The following NTN4 variants were observed in gnomAD, a reference collection of about 807,000 sequenced individuals.
The protein encoded by NTN4 is netrin-4.
Under a neutral mutation model 73.6 loss-of-function variants are expected in NTN4, and 32 were observed. The ratio of observed to expected loss-of-function variants is 0.44; its 90% CI spans 0.33 to 0.58. NTN4 has a LOEUF of 0.58. Among genes scored for constraint, NTN4 ranks in the 20% least tolerant of loss-of-function variants. The pLI, the probability that NTN4 is intolerant of heterozygous loss-of-function variation, is 0.04. For synonymous variants in NTN4, 258 were observed against 287.5 expected (o/e 0.90, Z 1.04); for missense variants, 654 against 798.3 (o/e 0.82, Z 2.18).
chr12:95,686,373 A>C (rs1460789566), intron 5 of NTN4, among the ~76,000 whole-genome samples: 1 of 152,214 alleles, frequency 6.6e-6, no homozygotes, highest in Admixed American at 6.5e-5. Context: ...AGGCAATACA[A>C]GCTGAGGGAA....
intron 9 of NTN4, among the ~76,000 whole-genome samples, chr12:95,662,484 A>G (rs2078146523): frequency 6.6e-6 from 1 of 151,386 alleles, no homozygotes. Flanking sequence ...ACCCACCTCA[A>G]CCTCCCAAAG....
At chr12:95,757,688 C>CA (rs58691121) in intron 2 of NTN4, among the ~76,000 whole-genome samples, 2,809 of 97,628 alleles carry the variant, frequency 0.029, 37 homozygotes, top group Middle Eastern at 0.093. Context: ...AAAAATAATA[C>CA]AAAAAAAAAA....
chr12:95,682,669 A>C (rs1330282567), intron 7 of NTN4, 38 bp downstream of exon 7: 1 of 1,414,636 alleles, frequency 7.1e-7, no homozygotes, highest in Non-Finnish European at 1.0e-6. Context: ...ACATAAGACC[A>C]GACCTGAAAA....
chr12:95,784,466 C>A lies in NTN4; in HGVS notation c.585+2473G>T, dbSNP rs185896659. 2.6e-5 allele frequency among the ~76,000 whole-genome samples: 4 copies of A among 152,240 alleles called. No individual in the cohort carries two copies. The East Asian group carries it at 5.8e-4, about 22-fold the overall frequency. On this transcript the variant is annotated intron_variant, in intron 2 of 9. Transcript: ENST00000343702. ...TAGGTCACACTTGATGCTTTTCTCA[C>A]CATTAAAATATGTCTGCTGAGGCCG...
chr12:95,667,863 A>AAAAT (rs71087991), intron 8 of NTN4, among the ~76,000 whole-genome samples: 35,064 of 148,116 alleles, frequency 0.24, 4,495 homozygotes, highest in Non-Finnish European at 0.26. Context: ...CCATCTCTCA[A>AAAAT]AAATAAATAA....
intron 5 of NTN4, among the ~76,000 whole-genome samples, chr12:95,693,231 T>G (rs572748562): frequency 2.6e-4 from 40 of 151,440 alleles, no homozygotes; most frequent in African/African-American, 9.4e-4. Context: ...ATACCCGAGG[T>G]AGTTCAGGGT....
intron 9 of NTN4, among the ~76,000 whole-genome samples, chr12:95,662,811 A>G (rs1354521235): frequency 6.6e-6 from 1 of 152,214 alleles, no homozygotes; most frequent in East Asian, 1.9e-4. Context: ...TACAATAATC[A>G]ATTTTTAAGA....
In NTN4 at chr12:95,658,294, G is replaced by A. The variant is rs1323899741; in HGVS notation, c.*792C>T. The A allele has an allele frequency of 6.6e-6, 1 of 152,088 alleles. No individual in the cohort carries two copies. 9.4% of individuals were successfully genotyped at this position (152,088 alleles called of 1,614,324 possible). On this transcript the variant is annotated 3_prime_UTR_variant, in exon 10 of 10. Transcript: ENST00000343702. ...TTTCTCTTATTTTAAAGTCTCTTCT[G>A]GTTTAGTTTTTTAAAAAGTTTCATC...
At chr12:95,682,684 A>G (rs2078327503) in intron 7 of NTN4, 23 bp downstream of exon 7, 2 of 1,512,332 alleles carry the variant, frequency 1.3e-6, no homozygotes, top group Admixed American at 1.7e-5. Flanking sequence ...TGAAAATATG[A>G]TGCCTGGTTA....
chr12:95,688,766 T>A (rs1592665906), intron 5 of NTN4, among the ~76,000 whole-genome samples: 1 of 135,264 alleles, frequency 7.4e-6, no homozygotes, highest in African/African-American at 2.8e-5. Flanking sequence ...AAGGAGAAGG[T>A]AGAGAAGGAG....
At chr12:95,703,463 C>T (rs2078501461) in intron 5 of NTN4, among the ~76,000 whole-genome samples, 2 of 152,038 alleles carry the variant, frequency 1.3e-5, no homozygotes, top group African/African-American at 2.4e-5. Flanking sequence ...TGCTATAGAA[C>T]ACGGGTCCCA....
intron 6 of NTN4, 117 bp downstream of exon 6, chr12:95,683,381 G>A: frequency 2.1e-6 from 2 of 961,900 alleles, no homozygotes; most frequent in Non-Finnish European, 3.1e-6. Flanking sequence ...TTCTTTAAAA[G>A]AGATGTGCAA....
intron 5 of NTN4, among the ~76,000 whole-genome samples, chr12:95,690,347 C>T (rs1178528807): frequency 1.3e-5 from 2 of 152,218 alleles, no homozygotes; most frequent in African/African-American, 2.4e-5. Flanking sequence ...CAGTCTTGGT[C>T]CTTAAAGAGA....
chr12:95,781,267 C>T lies in NTN4; in HGVS notation c.585+5672G>A, dbSNP rs916418685. ...TGTATACATATGTAACAAACCTGCA[C>T]GTTGTGCACATGTACCCTAGAACTT... On this transcript the variant is annotated intron_variant, in intron 2 of 9. Transcript: ENST00000343702. This position sits in a 1 kb window ranked among gnomAD's most constrained non-coding sequence, Gnocchi z 4.1. Among the ~76,000 whole-genome samples, 2 of 151,990 alleles carry T rather than the reference C, an allele frequency of 1.3e-5. No individual in the cohort carries two copies. The highest frequency in any genetic ancestry group is 6.6e-5 in the Admixed American group (1 of 15,262).
intron 4 of NTN4, among the ~76,000 whole-genome samples, chr12:95,712,783 C>CTTTTTTTT (rs2078573776): frequency 8.1e-6 from 1 of 123,904 alleles, no homozygotes; most frequent in African/African-American, 3.2e-5. Context: ...TTCTTTCTTT[C>CTTTTTTTT]TTTCTTTTTT....
At chr12:95,709,273 G>T (rs574058497) in intron 5 of NTN4, among the ~76,000 whole-genome samples, 1 of 152,140 alleles carries the variant, frequency 6.6e-6, no homozygotes, top group Non-Finnish European at 1.5e-5. Flanking sequence ...GGAAAGGAAG[G>T]GCATGATCAT....
rs886590354 is a variant in NTN4 at position 95,781,049 on chromosome 12, A to G, written c.585+5890T>C. On this transcript the variant is annotated intron_variant, in intron 2 of 9. Coordinates refer to ENST00000343702, the MANE Select transcript of NTN4 (RefSeq NM_021229.4). The surrounding 1 kb of genome is among the most constrained non-coding windows in gnomAD (Gnocchi z 4.1). ...TCATTCTCAGCAAACTATTGCAAGGACAAAAAAACAAACACTGCATGTTCT... is the reference window on the plus strand; with the variant it reads ...TCATTCTCAGCAAACTATTGCAAGGGCAAAAAAACAAACACTGCATGTTCT... 1.6e-4 allele frequency among the ~76,000 whole-genome samples: 15 copies of G among 91,732 alleles called. No homozygotes were observed. The highest frequency in any genetic ancestry group is 4.2e-4 in the African/African-American group (13 of 30,652). 60.2% of individuals were successfully genotyped at this position (91,732 alleles called of 152,430 possible). A position where few individuals can be genotyped will look rare whatever the true frequency, so the allele number is the denominator to read the frequency against.
chr12:95,790,541 T>C lies in NTN4; in HGVS notation c.-232A>G, dbSNP rs1183973481. 2 of 345,124 alleles carry C rather than the reference T, an allele frequency of 5.8e-6. No individual in the cohort carries two copies. Among genetic ancestry groups the C allele is most frequent in the African/African-American group, 2.2e-5 (1 of 46,396 alleles). The allele number at this position is 345,124 out of a possible 1,614,324, so 21.4% of individuals were successfully genotyped here. Reference sequence around the variant, plus strand: ...ACCGGCCTGGCGGGTCCCGGGCACCTGGGGGGCGGCGGGAGCCCCGGGACC... The same window carrying C: ...ACCGGCCTGGCGGGTCCCGGGCACCCGGGGGGCGGCGGGAGCCCCGGGACC... On this transcript the variant is annotated 5_prime_UTR_variant, in exon 1 of 10. Coordinates refer to ENST00000343702, the MANE Select transcript of NTN4 (RefSeq NM_021229.4). This position sits in a 1 kb window ranked among gnomAD's most constrained non-coding sequence, Gnocchi z 6.5.
chr12:95,785,593 A>G (rs2079161297), intron 2 of NTN4, among the ~76,000 whole-genome samples: 1 of 152,228 alleles, frequency 6.6e-6, no homozygotes, highest in Non-Finnish European at 1.5e-5. Flanking sequence ...TGACATGGCA[A>G]AAGTCTCCAT....
Sources: allele counts gnomAD v4.1 joint callset (sites outside exome capture counted in the v4.1 genomes callset), GRCh38; gene constraint gnomAD v4.1.1; non-coding constraint Gnocchi (gnomAD v3.1); transcripts MANE v1.5; gene names NCBI Gene and HGNC (gene_info 2026-07-23, HGNC 2026-07-21).